Variants in TANC2 observed in about 807,000 individuals in gnomAD.
TANC2 encodes protein TANC2.
TANC2 carries 26 observed loss-of-function variants against 210.5 expected under a neutral mutation model. That is an observed-to-expected ratio of 0.12 (90% confidence interval 0.09 to 0.17). The LOEUF (loss-of-function observed/expected upper bound fraction) is 0.17, where lower values mean the gene tolerates loss of function less well. TANC2 is among the 10% of genes least tolerant of loss of function. The pLI is 1.00. For synonymous variants in TANC2, 931 were observed against 967.1 expected, an observed-to-expected ratio of 0.96 and a Z score of 0.69; for missense variants, 2,129 against 2,608.9, an observed-to-expected ratio of 0.82 and a Z score of 4.01.
At chr17:63,117,480 C>T (rs2038296410) in intron 4 of TANC2, among the ~76,000 whole-genome samples, 1 of 152,350 alleles carries the variant, frequency 6.6e-6, no homozygotes, top group Admixed American at 6.5e-5. Context: ...TACCACAGTG[C>T]TTCTCTGGAT....
exon 10 of TANC2, chr17:63,314,520 G>T (rs761135261): frequency 1.2e-6 from 2 of 1,613,834 alleles, no homozygotes; most frequent in Non-Finnish European, 1.7e-6. Context: ...CAACTTCAAA[G>T]TTCAAATGCC....
intron 7 of TANC2, among the ~76,000 whole-genome samples, chr17:63,203,311 G>A (rs999904556): frequency 6.6e-6 from 1 of 152,022 alleles, no homozygotes; most frequent in African/African-American, 2.4e-5. Context: ...GCTAAGATGA[G>A]GCTACTTACA....
At chr17:63,388,485 C>T (rs2047856650) in intron 15 of TANC2, 150 bp from the exon 16 acceptor site, 3 of 716,470 alleles carry the variant, frequency 4.2e-6, no homozygotes, top group Admixed American at 6.7e-5. Context: ...GTCTTTGTCC[C>T]CCCACCTAGG....
intron 2 of TANC2, among the ~76,000 whole-genome samples, chr17:63,060,893 A>T (rs1238795003): frequency 6.6e-6 from 1 of 151,896 alleles, no homozygotes; most frequent in Non-Finnish European, 1.5e-5. Flanking sequence ...TTTCCATTTT[A>T]TTCTGTTTCT....
chr17:63,172,837 A>G (rs956860038), intron 5 of TANC2, among the ~76,000 whole-genome samples: 4 of 152,212 alleles, frequency 2.6e-5, no homozygotes, highest in African/African-American at 9.7e-5. Flanking sequence ...AGCCTGAACA[A>G]CTACAACTAT....
At position 62,969,829 on chromosome 17, in the gene TANC2, A is replaced by G. The variant is rs184308828; in HGVS notation, c.-24+3080A>G. Among the ~76,000 whole-genome samples, 33 of 152,168 alleles carry G rather than the reference A, an allele frequency of 2.2e-4. 1 individual carries two copies. Among genetic ancestry groups the G allele is most frequent in the East Asian group, 1.5e-3 (8 of 5,180 alleles). On this transcript the variant is annotated intron_variant, in intron 1 of 27. Transcript: ENST00000689528. Reference sequence around the variant, plus strand: ...AATTACAATATTTTTCTTCCTACTCATATTTTTATGACCTCTTTTTCATTT... The same window carrying G: ...AATTACAATATTTTTCTTCCTACTCGTATTTTTATGACCTCTTTTTCATTT...
At chr17:63,010,534 A>G (rs184941225) in intron 2 of TANC2, among the ~76,000 whole-genome samples, 165 of 151,932 alleles carry the variant, frequency 1.1e-3, no homozygotes, top group African/African-American at 3.8e-3. Context: ...CTACAATTCA[A>G]TTCAATTCTG....
At chr17:63,407,588 A>G (rs1050343205) in intron 21 of TANC2, among the ~76,000 whole-genome samples, 4 of 152,234 alleles carry the variant, frequency 2.6e-5, no homozygotes, top group African/African-American at 4.8e-5. Context: ...TAGAGGCTTA[A>G]TGAATTCAAC....
chr17:63,105,059 G>T (rs1364636985), intron 4 of TANC2, among the ~76,000 whole-genome samples: 51 of 151,692 alleles, frequency 3.4e-4, no homozygotes, highest in Non-Finnish European at 1.5e-5. Context: ...TGGGTATTGA[G>T]TGTTTATCAG....
At chr17:63,113,671 C>G (rs1306477904) in intron 4 of TANC2, among the ~76,000 whole-genome samples, 1 of 152,060 alleles carries the variant, frequency 6.6e-6, no homozygotes, top group Non-Finnish European at 1.5e-5. Context: ...CCATACCTGG[C>G]TAATTTTTTC....
intron 5 of TANC2, among the ~76,000 whole-genome samples, chr17:63,177,211 G>A (rs932155916): frequency 1.4e-5 from 2 of 142,542 alleles, no homozygotes; most frequent in African/African-American, 5.4e-5. Flanking sequence ...GTTGCAGTGA[G>A]CCATGACTGT....
intron 2 of TANC2, among the ~76,000 whole-genome samples, chr17:63,034,003 G>A (rs796240241): frequency 2.5e-4 from 38 of 152,244 alleles, no homozygotes; most frequent in African/African-American, 8.9e-4. Context: ...CATGATATTC[G>A]TTTCTGGTCA....
chr17:63,254,181 G>T (rs2043126239), intron 8 of TANC2, among the ~76,000 whole-genome samples: 1 of 151,448 alleles, frequency 6.6e-6, no homozygotes, highest in African/African-American at 2.4e-5. Context: ...TTGTTTTTTA[G>T]TTGTAGAGAT....
intron 8 of TANC2, among the ~76,000 whole-genome samples, chr17:63,243,820 CA>C (rs757224128): frequency 3.0e-4 from 45 of 152,270 alleles, no homozygotes; most frequent in Admixed American, 6.5e-4. Context: ...TATTTCTCAA[CA>C]TAAGTTCCAT....
chr17:63,285,058 T>C (rs2044179369), intron 9 of TANC2, among the ~76,000 whole-genome samples: 1 of 152,164 alleles, frequency 6.6e-6, no homozygotes, highest in Non-Finnish European at 1.5e-5. Flanking sequence ...CTTTCTATTA[T>C]TTGTGTTAGC....
intron 2 of TANC2, among the ~76,000 whole-genome samples, chr17:63,054,084 T>G (rs2144423747): frequency 6.6e-6 from 1 of 152,364 alleles, no homozygotes; most frequent in African/African-American, 2.4e-5. Context: ...TTACTAGTGG[T>G]GTGATATTGG....
intron 5 of TANC2, among the ~76,000 whole-genome samples, chr17:63,166,906 G>T (rs2040228676): frequency 6.6e-6 from 1 of 152,020 alleles, no homozygotes; most frequent in African/African-American, 2.4e-5. Flanking sequence ...ACTACTGGTA[G>T]GTCTGCAGTT....
intron 2 of TANC2, among the ~76,000 whole-genome samples, chr17:63,048,831 A>C (rs2035476045): frequency 1.3e-5 from 2 of 152,148 alleles, no homozygotes; most frequent in Non-Finnish European, 2.9e-5. Flanking sequence ...AGAGGATCAG[A>C]AAAAATAACT....
chr17:63,313,949 G>A (rs561098072), intron 9 of TANC2, among the ~76,000 whole-genome samples: 67 of 152,178 alleles, frequency 4.4e-4, no homozygotes, highest in Non-Finnish European at 5.9e-5. Flanking sequence ...TAGATGCCCC[G>A]CCACAGCCTG....
Sources: allele counts gnomAD v4.1 joint callset (sites outside exome capture counted in the v4.1 genomes callset), GRCh38; gene constraint gnomAD v4.1.1; transcripts MANE v1.5; gene names NCBI Gene and HGNC (gene_info 2026-07-23, HGNC 2026-07-21).